GALNTL6: variants seen among roughly 807,000 people sequenced by gnomAD.
GALNTL6 encodes polypeptide N-acetylgalactosaminyltransferase-like 6.
In GALNTL6, 46 loss-of-function variants were observed where a neutral mutation model predicts 73.7. That is an observed-to-expected ratio of 0.62 (90% CI 0.49 to 0.80). The LOEUF (loss-of-function observed/expected upper bound fraction) is 0.80. Ranked by LOEUF, GALNTL6 falls within the 30% of genes least tolerant of loss-of-function variation. The pLI, the probability that GALNTL6 is intolerant of heterozygous loss-of-function variation, is 0.00. For synonymous variants in GALNTL6, 259 were observed against 263.7 expected, an observed-to-expected ratio of 0.98 and a Z score of 0.17; for missense variants, 604 against 755.0, an observed-to-expected ratio of 0.80 and a Z score of 2.34.
intron 2 of GALNTL6, among the ~76,000 whole-genome samples, chr4:171,985,839 A>C (rs1199936945): frequency 1.3e-5 from 2 of 151,766 alleles, no homozygotes; most frequent in Non-Finnish European, 2.9e-5. Context: ...GGAGTTTGAG[A>C]GCAGCCTGAC....
At chr4:172,038,390 A>C (rs917577536) in intron 2 of GALNTL6, among the ~76,000 whole-genome samples, 3 of 152,126 alleles carry the variant, frequency 2.0e-5, no homozygotes, top group Non-Finnish European at 4.4e-5. Context: ...TGCTAAAGAG[A>C]GTTTATATAT....
intron 5 of GALNTL6, among the ~76,000 whole-genome samples, chr4:172,382,440 A>G (rs1743317030): frequency 6.6e-6 from 1 of 151,956 alleles, no homozygotes; most frequent in African/African-American, 2.4e-5. Flanking sequence ...CCTTTTGCCT[A>G]TTTTTTAATT....
intron 5 of GALNTL6, among the ~76,000 whole-genome samples, chr4:172,795,877 T>C (rs116366702): frequency 5.3e-5 from 8 of 151,966 alleles, no homozygotes; most frequent in Non-Finnish European, 1.2e-4. Context: ...ATATCAATGC[T>C]GTGTGCAGGT....
At chr4:171,822,455 T>C (rs1170195931) in intron 2 of GALNTL6, among the ~76,000 whole-genome samples, 1 of 152,168 alleles carries the variant, frequency 6.6e-6, no homozygotes, top group Non-Finnish European at 1.5e-5. Flanking sequence ...AACACAAAAA[T>C]TACCTCATAA....
chr4:172,921,734 G>A lies in GALNTL6; in HGVS notation c.1042-9427G>A, dbSNP rs1014225363. ...CACTTTCACCTGGGAGGCAGAGGTTGCAGTGAGCCATGATCGCTCACTGCA... is the reference window on the plus strand; with the variant it reads ...CACTTTCACCTGGGAGGCAGAGGTTACAGTGAGCCATGATCGCTCACTGCA... On this transcript the variant is annotated intron_variant, in intron 8 of 12. Transcript: ENST00000506823. Among the ~76,000 whole-genome samples, 22 of 150,484 alleles carry A rather than the reference G, an allele frequency of 1.5e-4. 1 individual carries two copies. Among genetic ancestry groups the A allele is most frequent in the Non-Finnish European group, 3.1e-4 (21 of 67,788 alleles).
intron 5 of GALNTL6, among the ~76,000 whole-genome samples, chr4:172,614,892 T>TA (rs963189808): frequency 6.6e-5 from 10 of 152,082 alleles, no homozygotes; most frequent in African/African-American, 2.4e-4. Flanking sequence ...TGGGTTTGGT[T>TA]AAACAAAAAA....
intron 8 of GALNTL6, among the ~76,000 whole-genome samples, chr4:172,909,325 A>G (rs1283943661): frequency 4.7e-5 from 7 of 148,090 alleles, no homozygotes; most frequent in Non-Finnish European, 1.0e-4. Context: ...AAAAAAAACT[A>G]GAAGCAATCA....
At chr4:172,077,571 G>C (rs974736400) in intron 2 of GALNTL6, among the ~76,000 whole-genome samples, 3 of 152,240 alleles carry the variant, frequency 2.0e-5, no homozygotes, top group African/African-American at 7.2e-5. Context: ...GCATTCAAGA[G>C]GTGACCCAGC....
chr4:172,212,758 C>T (rs953379817), intron 2 of GALNTL6, among the ~76,000 whole-genome samples: 6 of 152,178 alleles, frequency 3.9e-5, no homozygotes, highest in African/African-American at 1.4e-4. Flanking sequence ...ACCTCTGGCC[C>T]CCGGGTTCAA....
chr4:172,837,327 A>G (rs1742961552), intron 7 of GALNTL6, among the ~76,000 whole-genome samples: 1 of 152,208 alleles, frequency 6.6e-6, no homozygotes, highest in African/African-American at 2.4e-5. Context: ...AATATAGAGT[A>G]CATAGCAGAT....
At chr4:172,728,325 A>C (rs1735946210) in intron 5 of GALNTL6, among the ~76,000 whole-genome samples, 1 of 152,136 alleles carries the variant, frequency 6.6e-6, no homozygotes, top group African/African-American at 2.4e-5. Flanking sequence ...GTCAATCTTC[A>C]TGAGATCCAC....
chr4:172,360,002 C>T (rs1410004082), intron 5 of GALNTL6, among the ~76,000 whole-genome samples: 3 of 152,138 alleles, frequency 2.0e-5, no homozygotes, highest in Non-Finnish European at 4.4e-5. Flanking sequence ...GCTCCAGATC[C>T]CTTACACATC....
At chr4:172,540,450 A>C (rs1229917784) in intron 5 of GALNTL6, among the ~76,000 whole-genome samples, 1 of 152,078 alleles carries the variant, frequency 6.6e-6, no homozygotes, top group East Asian at 1.9e-4. Context: ...TTAATGCAAA[A>C]AATAAAAATA....
rs190758637 is a variant in GALNTL6 at position 172,234,173 on chromosome 4, A to G, written c.247+4409A>G. Among the ~76,000 whole-genome samples the G allele has an allele frequency of 3.1e-3, 476 of 152,166 alleles. 5 individuals carry two copies. Among genetic ancestry groups the G allele is most frequent in the African/African-American group, 0.011 (450 of 41,586 alleles). On this transcript the variant is annotated intron_variant, in intron 3 of 12. Transcript: ENST00000506823. ...TTTATTTTGGATTTTAAAAATGTAG[A>G]CACTCATATTTGCTAGTAATGACAG... is the stretch of plus-strand genomic sequence containing the variant.
chr4:172,564,846 A>C (rs1374370630), intron 5 of GALNTL6, among the ~76,000 whole-genome samples: 2 of 152,172 alleles, frequency 1.3e-5, no homozygotes, highest in Non-Finnish European at 2.9e-5. Context: ...GTTTCAAGGC[A>C]CTCTTTTATT....
chr4:171,926,768 T>A (rs143234326), intron 2 of GALNTL6, among the ~76,000 whole-genome samples: 2 of 152,304 alleles, frequency 1.3e-5, no homozygotes, highest in East Asian at 3.9e-4. Flanking sequence ...GTGAATTTCA[T>A]GTCTGTATCT....
intron 3 of GALNTL6, among the ~76,000 whole-genome samples, chr4:172,234,824 A>G (rs924455056): frequency 1.3e-5 from 2 of 152,132 alleles, no homozygotes; most frequent in Non-Finnish European, 2.9e-5. Flanking sequence ...ACTGTTTAAT[A>G]CTTGCTGTTT....
At chr4:172,094,555 C>T (rs1260056752) in intron 2 of GALNTL6, among the ~76,000 whole-genome samples, 1 of 151,932 alleles carries the variant, frequency 6.6e-6, no homozygotes, top group African/African-American at 2.4e-5. Flanking sequence ...CCTAGTTAAC[C>T]ATTCTTCCAA....
rs189680185 is a variant in GALNTL6 at position 172,207,616 on chromosome 4, A to T, written c.139-22040A>T. 5.3e-4 allele frequency among the ~76,000 whole-genome samples: 81 copies of T among 152,320 alleles called. 1 individual carries two copies. In the East Asian group the frequency reaches 0.015, roughly 28 times the overall value. On this transcript the variant is annotated intron_variant, in intron 2 of 12. Coordinates refer to ENST00000506823, the MANE Select transcript of GALNTL6 (RefSeq NM_001034845.3). ...ACAACACCTCTTTCTGGGAAGCTGC[A>T]TGGTAGTAGCTGTTAAAACTAGATC...
Sources: gnomAD v4.1 joint callset for allele counts (sites outside exome capture counted in the v4.1 genomes callset) on GRCh38, gnomAD v4.1.1 for gene constraint, MANE v1.5 for transcripts, NCBI Gene and HGNC (gene_info 2026-07-23, HGNC 2026-07-21) for gene names.